Variants in VPS53 observed in about 807,000 individuals in gnomAD.
The protein encoded by VPS53 is VPS53 subunit of GARP complex, also known as vacuolar protein sorting-associated protein 53 homolog.
In VPS53, 70 loss-of-function variants were observed where a neutral mutation model predicts 107.0. The ratio of observed to expected loss-of-function variants is 0.65; its 90% CI spans 0.54 to 0.80. The LOEUF (loss-of-function observed/expected upper bound fraction) is 0.80. Among genes scored for constraint, VPS53 ranks in the 30% least tolerant of loss-of-function variants. The pLI, the probability that VPS53 is intolerant of heterozygous loss-of-function variation, is 0.00. For synonymous variants in VPS53, 409 were observed against 393.3 expected, an observed-to-expected ratio of 1.04 and a Z score of -0.47; for missense variants, 917 against 1,049.4, an observed-to-expected ratio of 0.87 and a Z score of 1.74.
At chr17:706,862 A>ATC (rs1473497149) in intron 2 of VPS53, among the ~76,000 whole-genome samples, 2 of 152,098 alleles carry the variant, frequency 1.3e-5, no homozygotes, top group Non-Finnish European at 2.9e-5. Context: ...AGGTCTCACC[A>ATC]TCTCTTTCCA....
In VPS53 at chr17:611,769, CAT is replaced by C. The variant is rs1351602885; in HGVS notation, c.1117-9875_1117-9874del. On this transcript the variant is annotated intron_variant, in intron 11 of 21. Coordinates refer to ENST00000437048, the MANE Select transcript of VPS53 (RefSeq NM_001128159.3). The stretch of plus-strand genomic sequence containing the variant: ...TAGTGAAAACCTGTACAAATATTCA[CAT>C]AGTGAGTTCACACAGTGAAAACCTG... Among the ~76,000 whole-genome samples the C allele has an allele frequency of 7.2e-5, 11 of 151,916 alleles. No individual in the cohort carries two copies. The South Asian group carries it at 1.2e-3, about 17-fold the overall frequency.
At chr17:618,587 A>T (rs551129796) in intron 11 of VPS53, among the ~76,000 whole-genome samples, 73 of 151,194 alleles carry the variant, frequency 4.8e-4, no homozygotes, top group African/African-American at 1.5e-3. Context: ...GGTAGCTGGG[A>T]CTACAGGCAT....
chr17:611,452 G>C (rs567987204), intron 11 of VPS53, among the ~76,000 whole-genome samples: 1 of 152,216 alleles, frequency 6.6e-6, no homozygotes, highest in African/African-American at 2.4e-5. Flanking sequence ...CGTCAGCAAG[G>C]ATATGGGGAA....
At chr17:530,719 G>A (rs1597250792) in intron 19 of VPS53, among the ~76,000 whole-genome samples, 1 of 152,130 alleles carries the variant, frequency 6.6e-6, no homozygotes, top group Non-Finnish European at 1.5e-5. Flanking sequence ...GCAGTCATAA[G>A]AATAATTAGT....
chr17:530,238 A>G (rs1239163421), intron 19 of VPS53, among the ~76,000 whole-genome samples: 4 of 148,582 alleles, frequency 2.7e-5, no homozygotes. Context: ...AGGTTCAAGC[A>G]GTTCTCCCAG....
Position 562,860 on chromosome 17 carries a change from T to G in VPS53, c.1314-115A>C, listed in dbSNP as rs564779825. ...CACAAGTAATCATTCCTACTGCATT[T>G]AAAACTTAAAATCGGATCGATTTTA... On this transcript the variant is annotated intron_variant, in intron 13 of 21. Transcript: ENST00000437048. The G allele has an allele frequency of 8.0e-5, 97 of 1,207,324 alleles. 2 individuals carry two copies. The South Asian group carries it at 1.5e-3, about 18-fold the overall frequency. 74.8% of individuals were successfully genotyped at this position (1,207,324 alleles called of 1,614,324 possible).
chr17:527,062 T>C (rs950543696), intron 19 of VPS53, among the ~76,000 whole-genome samples: 2 of 152,236 alleles, frequency 1.3e-5, no homozygotes, highest in Admixed American at 6.5e-5. Context: ...AAATTAGGTA[T>C]AACTTTCACA....
At chr17:654,549 T>C (rs374329516) in intron 6 of VPS53, among the ~76,000 whole-genome samples, 15 of 151,826 alleles carry the variant, frequency 9.9e-5, no homozygotes, top group Non-Finnish European at 2.9e-5. Context: ...CCATCCTGGC[T>C]AACACGGCGA....
In VPS53 at chr17:627,459, T is replaced by G. The variant is rs1047236497; in HGVS notation, c.832-143A>C. The G allele has an allele frequency of 3.4e-6, 4 of 1,161,304 alleles. No homozygotes were observed. The African/African-American group carries it at 6.3e-5, about 18-fold the overall frequency. The allele number at this position is 1,161,304 out of a possible 1,614,324, so 71.9% of individuals were successfully genotyped here. ...GTTTTAAAGAATCTAGGCTACCTTT[T>G]TAACTTGATTTTTTACTTAAAAATT... On this transcript the variant is annotated intron_variant, in intron 9 of 21. Transcript: ENST00000437048.
chr17:521,995 T>C (rs1447679548), intron 19 of VPS53, among the ~76,000 whole-genome samples: 9 of 152,178 alleles, frequency 5.9e-5, no homozygotes. Flanking sequence ...GGCTCACACC[T>C]GTAATCCCAG....
At chr17:688,132 G>A (rs1597488894) in intron 4 of VPS53, among the ~76,000 whole-genome samples, 1 of 152,152 alleles carries the variant, frequency 6.6e-6, no homozygotes, top group African/African-American at 2.4e-5. Context: ...CCAAAAAAGC[G>A]CTATCAAGGT....
chr17:629,310 T>C (rs952147503), intron 8 of VPS53, among the ~76,000 whole-genome samples: 2 of 152,198 alleles, frequency 1.3e-5, no homozygotes, highest in Admixed American at 6.5e-5. Context: ...AGAGAAGTCA[T>C]AGATGCCAAA....
intron 19 of VPS53, 173 bp downstream of exon 19, chr17:532,669 T>A (rs1483956551): frequency 1.9e-5 from 26 of 1,404,600 alleles, no homozygotes; most frequent in Non-Finnish European, 2.4e-5. Context: ...ACAAAATTTT[T>A]AAAAATAAAT....
At chr17:659,676 T>A (rs1037575839) in intron 5 of VPS53, among the ~76,000 whole-genome samples, 7 of 152,088 alleles carry the variant, frequency 4.6e-5, no homozygotes, top group Non-Finnish European at 1.0e-4. Flanking sequence ...CTCTGCTTCA[T>A]CTCAAGACTC....
At chr17:551,823 C>G (rs756037975) in intron 17 of VPS53, 49 bp downstream of exon 17, 2 of 1,506,768 alleles carry the variant, frequency 1.3e-6, no homozygotes, top group South Asian at 2.5e-5. Flanking sequence ...TAGAAGCCAC[C>G]TTGGGCTGCT....
chr17:614,256 T>C (rs1251421434), intron 11 of VPS53, among the ~76,000 whole-genome samples: 1 of 152,146 alleles, frequency 6.6e-6, no homozygotes, highest in Non-Finnish European at 1.5e-5. Context: ...ACGATAAATT[T>C]CATGTGACAT....
intron 5 of VPS53, chr17:657,454 A>C (rs1006744759): frequency 8.9e-7 from 1 of 1,119,278 alleles, no homozygotes; most frequent in Non-Finnish European, 1.4e-6. Flanking sequence ...GGACTGGTGG[A>C]CGGACGAGGA....
At chr17:693,169 C>A (rs1249171614) in intron 4 of VPS53, among the ~76,000 whole-genome samples, 1 of 152,124 alleles carries the variant, frequency 6.6e-6, no homozygotes, top group Admixed American at 6.6e-5. Context: ...AGAAGCACAT[C>A]TAGGCTGGGT....
chr17:709,738 T>C (rs1973567427), intron 2 of VPS53, among the ~76,000 whole-genome samples: 1 of 152,218 alleles, frequency 6.6e-6, no homozygotes, highest in South Asian at 2.1e-4. Flanking sequence ...CCAACTCTGC[T>C]ACTTCCAGTT....
Sources: allele counts gnomAD v4.1 joint callset (sites outside exome capture counted in the v4.1 genomes callset), GRCh38; gene constraint gnomAD v4.1.1; transcripts MANE v1.5; gene names NCBI Gene and HGNC (gene_info 2026-07-23, HGNC 2026-07-21).